Variants in TMEM135 observed in about 807,000 individuals in gnomAD.
TMEM135 encodes the protein transmembrane protein 135, also known as peroxisomal membrane protein 52.
TMEM135 carries 30 observed loss-of-function variants against 60.3 expected under a neutral mutation model. The observed-to-expected ratio is 0.50, with a 90% CI of 0.37 to 0.68. The LOEUF is 0.68. TMEM135 is among the 30% of genes least tolerant of loss of function. The pLI is 0.00. For synonymous variants in TMEM135, 190 were observed against 186.7 expected (o/e 1.02, Z -0.14); for missense variants, 468 against 548.8 (o/e 0.85, Z 1.47).
intron 6 of TMEM135, chr11:87,277,230 C>A (rs1941984845): frequency 2.8e-6 from 1 of 362,668 alleles, no homozygotes; most frequent in South Asian, 2.0e-5. Flanking sequence ...CTCCCGGGTT[C>A]AAGCGATTCT....
intron 5 of TMEM135, among the ~76,000 whole-genome samples, chr11:87,201,996 TTATGTTATGTTATG>T (rs989342001): frequency 8.4e-6 from 1 of 118,912 alleles, no homozygotes; most frequent in African/African-American, 3.8e-5. Flanking sequence ...TTATGTTATG[TTATGTTATGTTATG>T]TAATGTTATG....
At chr11:87,078,189 T>C (rs1187747101) in intron 3 of TMEM135, among the ~76,000 whole-genome samples, 1 of 152,232 alleles carries the variant, frequency 6.6e-6, no homozygotes, top group Non-Finnish European at 1.5e-5. Context: ...CCATTTTCTG[T>C]TTTGTTCAGC....
At chr11:87,199,443 A>C (rs1940044666) in intron 5 of TMEM135, among the ~76,000 whole-genome samples, 1 of 152,218 alleles carries the variant, frequency 6.6e-6, no homozygotes, top group African/African-American at 2.4e-5. Flanking sequence ...GCTCTGTTTT[A>C]TAGACAAGCA....
At chr11:87,273,102 C>T (rs535251169) in intron 6 of TMEM135, among the ~76,000 whole-genome samples, 35 of 152,208 alleles carry the variant, frequency 2.3e-4, no homozygotes, top group African/African-American at 7.7e-4. Context: ...TTTATTCCAT[C>T]CAAAGCTTTG....
intron 4 of TMEM135, among the ~76,000 whole-genome samples, chr11:87,155,600 G>A (rs1938674552): frequency 2.6e-5 from 4 of 152,264 alleles, no homozygotes; most frequent in East Asian, 3.9e-4. Flanking sequence ...GCCACTGACT[G>A]AGGAGATGAA....
At chr11:87,107,330 A>ATG (rs1423278997) in intron 4 of TMEM135, among the ~76,000 whole-genome samples, 2 of 152,014 alleles carry the variant, frequency 1.3e-5, no homozygotes, top group Non-Finnish European at 2.9e-5. Flanking sequence ...TTTGTTACAT[A>ATG]TGTATACATG....
chr11:87,210,712 G>A (rs1348586818), intron 5 of TMEM135, among the ~76,000 whole-genome samples: 1 of 151,988 alleles, frequency 6.6e-6, no homozygotes, highest in East Asian at 1.9e-4. Context: ...AAAACTTAAG[G>A]CCAATATCCC....
At chr11:87,314,581 A>G in intron 12 of TMEM135, 34 bp downstream of exon 12, 1 of 1,553,150 alleles carries the variant, frequency 6.4e-7, no homozygotes, top group Non-Finnish European at 8.9e-7. Context: ...ATAGTTCCAA[A>G]GAACATAAAG....
chr11:87,293,367 A>T (rs1942297859), intron 6 of TMEM135, among the ~76,000 whole-genome samples: 1 of 149,110 alleles, frequency 6.7e-6, no homozygotes, highest in South Asian at 2.2e-4. Flanking sequence ...ATTGAAATTG[A>T]GTTTTTAAGT....
intron 1 of TMEM135, among the ~76,000 whole-genome samples, chr11:87,051,152 G>A (rs1949838367): frequency 1.8e-5 from 1 of 55,334 alleles, no homozygotes; most frequent in South Asian, 6.9e-4. Context: ...ATTAGGTATT[G>A]ATGGGACGTA....
rs1288496097 is a variant in TMEM135 at position 87,318,250 on chromosome 11, T to G, written c.1176+15T>G. 2 of 1,553,760 alleles carry G rather than the reference T, an allele frequency of 1.3e-6. No homozygotes were observed. The highest frequency in any genetic ancestry group is 1.8e-6 in the Non-Finnish European group (2 of 1,127,890). On this transcript the variant is annotated intron_variant, in intron 13 of 14. Coordinates refer to ENST00000305494, the MANE Select transcript of TMEM135 (RefSeq NM_022918.4). The stretch of plus-strand genomic sequence containing the variant: ...GCTTCCAGGCAGTAAGTATAACTTT[T>G]TGAAATGAGAAATTGAATGATTCCT...
At chr11:87,217,255 A>G (rs681642) in intron 5 of TMEM135, among the ~76,000 whole-genome samples, 19,800 of 152,206 alleles carry the variant, frequency 0.13, 1,336 homozygotes, top group Non-Finnish European at 0.15. Flanking sequence ...TGGCTTGGGC[A>G]ACTCCTTGAC....
chr11:87,174,274 A>T (rs1019541313), intron 5 of TMEM135, among the ~76,000 whole-genome samples: 10 of 152,142 alleles, frequency 6.6e-5, no homozygotes, highest in Non-Finnish European at 1.2e-4. Context: ...GAAAATATTA[A>T]GATACCTTAC....
intron 7 of TMEM135, among the ~76,000 whole-genome samples, chr11:87,299,161 G>A (rs1489529971): frequency 6.6e-6 from 1 of 152,156 alleles, no homozygotes; most frequent in South Asian, 2.1e-4. Context: ...AAAATCACTT[G>A]TATTAGTCTG....
chr11:87,168,551 T>C (rs1939133778), intron 5 of TMEM135, among the ~76,000 whole-genome samples: 1 of 152,228 alleles, frequency 6.6e-6, no homozygotes, highest in Admixed American at 6.5e-5. Context: ...TCTGCCTTAC[T>C]TTCATTATTT....
intron 3 of TMEM135, among the ~76,000 whole-genome samples, chr11:87,083,940 T>G (rs1223888316): frequency 1.3e-5 from 2 of 152,120 alleles, no homozygotes; most frequent in Non-Finnish European, 2.9e-5. Context: ...TCCTTATTTA[T>G]AGAACATATA....
At chr11:87,242,768 G>C (rs1215216730) in intron 6 of TMEM135, among the ~76,000 whole-genome samples, 2 of 140,366 alleles carry the variant, frequency 1.4e-5, no homozygotes, top group African/African-American at 5.3e-5. Context: ...TGTCAGATGA[G>C]TAGGTTGCAA....
rs371698456 is a variant in TMEM135 at position 87,241,714 on chromosome 11, G to T, written c.509+5030G>T. On this transcript the variant is annotated intron_variant, in intron 6 of 14. Transcript: ENST00000305494. Reference sequence around the variant, plus strand: ...CCCGTATTCTACTGTCTATCTCCATGAGTTCAATTGTCTTAATTTTTAGCT... The same window carrying T: ...CCCGTATTCTACTGTCTATCTCCATTAGTTCAATTGTCTTAATTTTTAGCT... 1.9e-4 allele frequency among the ~76,000 whole-genome samples: 29 copies of T among 152,020 alleles called. No individual in the cohort carries two copies. In the East Asian group the frequency reaches 5.2e-3, roughly 27 times the overall value.
intron 2 of TMEM135, among the ~76,000 whole-genome samples, 157 bp from the exon 3 acceptor site, chr11:87,071,366 A>G (rs12279650): frequency 0.09 from 13,671 of 152,252 alleles, 675 homozygotes; most frequent in Non-Finnish European, 0.1. Flanking sequence ...TCATGGGGCT[A>G]GGGGAGACAG....
Sources: allele counts gnomAD v4.1 joint callset (sites outside exome capture counted in the v4.1 genomes callset), GRCh38; gene constraint gnomAD v4.1.1; transcripts MANE v1.5; gene names NCBI Gene and HGNC (gene_info 2026-07-23, HGNC 2026-07-21).